The following IGF2BP2 variants were observed in gnomAD, a reference collection of about 807,000 sequenced individuals.
The protein encoded by IGF2BP2 is insulin like growth factor 2 mRNA binding protein 2, also known as insulin-like growth factor 2 mRNA-binding protein 2.
IGF2BP2 carries 17 observed loss-of-function variants against 75.8 expected under a neutral mutation model. The ratio of observed to expected loss-of-function variants is 0.22; its 90% CI spans 0.15 to 0.34. The LOEUF is 0.34. Among genes scored for constraint, IGF2BP2 ranks in the 10% least tolerant of loss-of-function variants. The pLI is 1.00. For synonymous variants in IGF2BP2, 288 were observed against 295.6 expected (o/e 0.97, Z 0.26); for missense variants, 516 against 772.4 (o/e 0.67, Z 3.93).
chr3:185,806,769 AAG>A (rs891693019), intron 2 of IGF2BP2, among the ~76,000 whole-genome samples: 1 of 152,236 alleles, frequency 6.6e-6, no homozygotes, highest in Admixed American at 6.5e-5. Context: ...TCTTCAAGAA[AAG>A]AGTTTCAAGT....
In IGF2BP2 at chr3:185,817,264, G is replaced by A. The variant is rs565848904; in HGVS notation, c.239+5889C>T. 1.3e-4 allele frequency among the ~76,000 whole-genome samples: 20 copies of A among 152,316 alleles called. No homozygotes were observed. In the South Asian group the frequency reaches 3.5e-3, roughly 27 times the overall value. On this transcript the variant is annotated intron_variant, in intron 2 of 15. Coordinates refer to ENST00000382199, the MANE Select transcript of IGF2BP2 (RefSeq NM_006548.6). ...TACAGATATTATTTAGTGAAAAGCAGAGGCTTGGGGAGGAGACATAACTAT... is the reference window on the plus strand; with the variant it reads ...TACAGATATTATTTAGTGAAAAGCAAAGGCTTGGGGAGGAGACATAACTAT...
chr3:185,733,546 C>T (rs774519322), intron 2 of IGF2BP2, among the ~76,000 whole-genome samples: 32 of 152,182 alleles, frequency 2.1e-4, no homozygotes, highest in South Asian at 1.0e-3. Flanking sequence ...CACCTGAGGT[C>T]GGGAGTTCGA....
At chr3:185,660,618 G>A (rs1235970471) in intron 10 of IGF2BP2, among the ~76,000 whole-genome samples, 1 of 152,146 alleles carries the variant, frequency 6.6e-6, no homozygotes, top group East Asian at 1.9e-4. Flanking sequence ...CCACAAGAGG[G>A]CGCTATGAGA....
chr3:185,799,833 G>C (rs1344558138), intron 2 of IGF2BP2, among the ~76,000 whole-genome samples: 3 of 152,128 alleles, frequency 2.0e-5, no homozygotes. Context: ...GTTGGTGGGA[G>C]TGTAAATTAG....
At chr3:185,662,483 GAA>G (rs1716613114) in intron 10 of IGF2BP2, among the ~76,000 whole-genome samples, 1 of 52,304 alleles carries the variant, frequency 1.9e-5, no homozygotes, top group African/African-American at 7.2e-5. Flanking sequence ...ATCTCAAAAA[GAA>G]AAAAAGACAA....
chr3:185,815,977 A>T (rs2150038788), intron 2 of IGF2BP2, among the ~76,000 whole-genome samples: 1 of 152,304 alleles, frequency 6.6e-6, no homozygotes, highest in East Asian at 1.9e-4. Flanking sequence ...GAGAGGCCCA[A>T]GGCCTTATTC....
chr3:185,672,529 T>C lies in IGF2BP2; in HGVS notation c.1200+12A>G. ...AGCGCATAAGCAAACCTCCACAAGC[T>C]GAGCTACTTACAGTGAAGGGGTGGT... On this transcript the variant is annotated intron_variant, in intron 10 of 15. Transcript: ENST00000382199. 1 of 1,610,532 alleles carries C rather than the reference T, an allele frequency of 6.2e-7. No homozygotes were observed. The highest frequency in any genetic ancestry group is 8.5e-7 in the Non-Finnish European group (1 of 1,178,608).
intron 7 of IGF2BP2, among the ~76,000 whole-genome samples, chr3:185,676,848 A>T (rs1719455266): frequency 7.0e-6 from 1 of 143,694 alleles, no homozygotes; most frequent in Non-Finnish European, 1.5e-5. Context: ...TACTGGAGAT[A>T]TATATATATA....
In IGF2BP2 at chr3:185,813,323, A is replaced by C. The variant is rs187290785; in HGVS notation, c.239+9830T>G. ...TCTCTATTCCTTAAAAGGGAGAATCAATTCCACATTTTTCAATATCTGAGC... is the reference window on the plus strand; with the variant it reads ...TCTCTATTCCTTAAAAGGGAGAATCCATTCCACATTTTTCAATATCTGAGC... On this transcript the variant is annotated intron_variant, in intron 2 of 15. Transcript: ENST00000382199. Among the ~76,000 whole-genome samples the C allele has an allele frequency of 1.1e-3, 166 of 152,358 alleles. 1 individual carries two copies. Among genetic ancestry groups the C allele is most frequent in the Middle Eastern group, 6.8e-3 (2 of 294 alleles).
intron 2 of IGF2BP2, among the ~76,000 whole-genome samples, chr3:185,748,954 A>G (rs1730614727): frequency 6.6e-6 from 1 of 152,216 alleles, no homozygotes. Flanking sequence ...ACTTGAGGTC[A>G]GGAGTTCAAG....
At chr3:185,767,048 A>G (rs1379336407) in intron 2 of IGF2BP2, among the ~76,000 whole-genome samples, 1 of 152,104 alleles carries the variant, frequency 6.6e-6, no homozygotes, top group Non-Finnish European at 1.5e-5. Flanking sequence ...GCCCAGCCCC[A>G]CTTCCTGCTA....
intron 7 of IGF2BP2, among the ~76,000 whole-genome samples, chr3:185,681,393 T>C (rs1720367489): frequency 6.6e-6 from 1 of 152,158 alleles, no homozygotes; most frequent in African/African-American, 2.4e-5. Flanking sequence ...GGTAAAAGAC[T>C]TGTACACTGA....
intron 12 of IGF2BP2, 104 bp from the exon 13 acceptor site, chr3:185,652,272 T>G: frequency 1.1e-6 from 1 of 943,312 alleles, no homozygotes; most frequent in Non-Finnish European, 1.6e-6. Context: ...GTTCCAGGTC[T>G]TGCTTCTGCC....
At chr3:185,745,652 C>A (rs762205468) in intron 2 of IGF2BP2, among the ~76,000 whole-genome samples, 3 of 152,220 alleles carry the variant, frequency 2.0e-5, no homozygotes, top group Non-Finnish European at 4.4e-5. Context: ...GCCCCCACAA[C>A]TCCCACTTCT....
chr3:185,676,850 A>G (rs1246743893), intron 7 of IGF2BP2, among the ~76,000 whole-genome samples: 1 of 144,012 alleles, frequency 6.9e-6, no homozygotes, highest in African/African-American at 2.6e-5. Context: ...CTGGAGATAT[A>G]TATATATATT....
chr3:185,661,294 A>G lies in IGF2BP2; in HGVS notation c.1201-2885T>C, dbSNP rs1716392352. Reference sequence around the variant, plus strand: ...TTATCCACAAACAGACTCAAATAATATCTAGTTCTTATAGTACTGTTGTGA... The same window carrying G: ...TTATCCACAAACAGACTCAAATAATGTCTAGTTCTTATAGTACTGTTGTGA... On this transcript the variant is annotated intron_variant, in intron 10 of 15. Coordinates refer to ENST00000382199, the MANE Select transcript of IGF2BP2 (RefSeq NM_006548.6). 2.0e-5 allele frequency among the ~76,000 whole-genome samples: 3 copies of G among 152,304 alleles called. 1 individual carries two copies. Among genetic ancestry groups the G allele is most frequent in the East Asian group, 3.9e-4 (2 of 5,178 alleles).
chr3:185,674,665 A>T (rs767995372), intron 9 of IGF2BP2, among the ~76,000 whole-genome samples: 2 of 152,230 alleles, frequency 1.3e-5, no homozygotes, highest in Non-Finnish European at 2.9e-5. Flanking sequence ...CATTTTTAAA[A>T]TTTAAAAAGT....
intron 2 of IGF2BP2, among the ~76,000 whole-genome samples, chr3:185,752,492 T>C (rs1460704065): frequency 3.3e-5 from 5 of 152,206 alleles, no homozygotes; most frequent in African/African-American, 1.2e-4. Flanking sequence ...CCCCCTAATT[T>C]TGTTTTAATG....
intron 2 of IGF2BP2, among the ~76,000 whole-genome samples, chr3:185,788,640 AAAAC>A (rs1298152422): frequency 1.1e-4 from 16 of 152,166 alleles, no homozygotes; most frequent in African/African-American, 1.7e-4. Context: ...TTCCTGTGGA[AAAAC>A]AAACAGAGTA....
Sources: allele counts gnomAD v4.1 joint callset (sites outside exome capture counted in the v4.1 genomes callset), GRCh38; gene constraint gnomAD v4.1.1; transcripts MANE v1.5; gene names NCBI Gene and HGNC (gene_info 2026-07-23, HGNC 2026-07-21).